KATNBL1: variants seen among roughly 807,000 people sequenced by gnomAD.
KATNBL1 encodes the protein katanin regulatory subunit B1 like 1.
A neutral mutation model predicts 44.7 loss-of-function variants in KATNBL1; 28 were observed. The observed-to-expected ratio is 0.63, with a 90% CI of 0.46 to 0.86. The LOEUF (loss-of-function observed/expected upper bound fraction) is 0.86. Ranked by LOEUF, KATNBL1 falls within the 40% of genes least tolerant of loss-of-function variation. The pLI, the probability that KATNBL1 is intolerant of heterozygous loss-of-function variation, is 0.00. For synonymous variants in KATNBL1, 78 were observed against 114.9 expected (o/e 0.68, Z 2.06); for missense variants, 272 against 350.7 (o/e 0.78, Z 1.79).
intron 1 of KATNBL1, among the ~76,000 whole-genome samples, chr15:34,193,227 AAAAAAAAAC>A (rs1463811856): frequency 3.9e-4 from 53 of 136,690 alleles, no homozygotes; most frequent in East Asian, 1.8e-3. Flanking sequence ...AAAAAAAAAA[AAAAAAAAAC>A]AAAAAAAAAA....
chr15:34,183,633 T>C (rs1435253657), intron 1 of KATNBL1, among the ~76,000 whole-genome samples: 1 of 152,194 alleles, frequency 6.6e-6, no homozygotes, highest in Non-Finnish European at 1.5e-5. Context: ...CGATTATTTT[T>C]TAATAGAGGA....
At chr15:34,145,592 G>C (rs950535507) in intron 8 of KATNBL1, 101 bp from the exon 9 acceptor site, 1 of 1,043,376 alleles carries the variant, frequency 9.6e-7, no homozygotes, top group African/African-American at 1.7e-5. Context: ...AATTTTTCAG[G>C]TATTTTTCAG....
intron 1 of KATNBL1, among the ~76,000 whole-genome samples, chr15:34,181,709 TATGG>T (rs1889549866): frequency 3.2e-5 from 1 of 31,670 alleles, no homozygotes; most frequent in Non-Finnish European, 7.0e-5. Flanking sequence ...TATCCATATA[TATGG>T]ACATATATAT....
intron 1 of KATNBL1, among the ~76,000 whole-genome samples, chr15:34,174,830 T>C (rs1889276171): frequency 6.6e-6 from 1 of 152,012 alleles, no homozygotes; most frequent in Non-Finnish European, 1.5e-5. Context: ...TTAGTCGAGA[T>C]GGGGTTTCGC....
At chr15:34,196,807 G>A (rs942233748) in intron 1 of KATNBL1, among the ~76,000 whole-genome samples, 8 of 152,134 alleles carry the variant, frequency 5.3e-5, no homozygotes, top group Admixed American at 3.9e-4. Context: ...GCTTAAAGTG[G>A]CTCAAGAACT....
At position 34,161,072 on chromosome 15, in the gene KATNBL1, G is replaced by A. The variant is rs540477730; in HGVS notation, c.117+2488C>T. ...CTCCTTTACAGGAGGGCTGCCCTAA[G>A]CTGTATGAGGTGACTACGAAACCAC... On this transcript the variant is annotated intron_variant, in intron 2 of 9. Transcript: ENST00000256544. Among the ~76,000 whole-genome samples, 4 of 152,272 alleles carry A rather than the reference G, an allele frequency of 2.6e-5. No homozygotes were observed. The South Asian group carries it at 8.3e-4, about 32-fold the overall frequency.
chr15:34,159,147 T>TTTC lies in KATNBL1; in HGVS notation c.117+4412_117+4413insGAA, dbSNP rs1555527297. 5.9e-5 allele frequency among the ~76,000 whole-genome samples: 9 copies of TTTC among 152,202 alleles called. No individual in the cohort carries two copies. In the East Asian group the frequency reaches 1.2e-3, roughly 20 times the overall value. On this transcript the variant is annotated intron_variant, in intron 2 of 9. Transcript: ENST00000256544. ...CAATGAAGTTCCTTCTAAAAGTTAA[T>TTTC]TTTTTCTTTTTTTTCTGTTAATAGG...
intron 1 of KATNBL1, among the ~76,000 whole-genome samples, chr15:34,204,839 A>T (rs1890252142): frequency 6.6e-6 from 1 of 152,228 alleles, no homozygotes; most frequent in South Asian, 2.1e-4. Flanking sequence ...TAAAATGCAG[A>T]AGTCCCTGAA....
At chr15:34,209,546 A>C (rs903213583) in intron 1 of KATNBL1, 2 of 152,208 alleles carry the variant, frequency 1.3e-5, no homozygotes, top group Admixed American at 6.5e-5. Context: ...CCGTCGGAAA[A>C]TAAGGAAATG....
intron 1 of KATNBL1, 151 bp downstream of exon 1, chr15:34,209,800 G>A (rs1332708950): frequency 2.0e-5 from 3 of 150,770 alleles, no homozygotes; most frequent in Non-Finnish European, 3.0e-5. Context: ...CCCGCCCCGG[G>A]ACCCGGCAGC....
At chr15:34,144,488 A>G (rs1888250643) in intron 9 of KATNBL1, among the ~76,000 whole-genome samples, 1 of 151,340 alleles carries the variant, frequency 6.6e-6, no homozygotes, top group African/African-American at 2.4e-5. Flanking sequence ...CCCATTTATG[A>G]TAGCAGTATG....
intron 1 of KATNBL1, among the ~76,000 whole-genome samples, chr15:34,189,754 A>G (rs922270618): frequency 3.2e-4 from 49 of 152,226 alleles, no homozygotes; most frequent in African/African-American, 1.1e-3. Context: ...GTAAACAAAA[A>G]TATTTTATTA....
At position 34,181,870 on chromosome 15, in the gene KATNBL1, C is replaced by CATATATATATATAT. The variant is rs374057022; in HGVS notation, c.-14-18194_-14-18181dup. On this transcript the variant is annotated intron_variant, in intron 1 of 9. Transcript: ENST00000256544. ...TATATATAGTCCATATATATATATC[C>CATATATATATATAT]ATATATATATATATATATGGATGGG... 1.8e-4 allele frequency among the ~76,000 whole-genome samples: 13 copies of CATATATATATATAT among 73,098 alleles called. No individual in the cohort carries two copies. The South Asian group carries it at 2.0e-3, about 11-fold the overall frequency. 48.0% of individuals were successfully genotyped at this position (73,098 alleles called of 152,430 possible). A position where few individuals can be genotyped will look rare whatever the true frequency, so the allele number is the denominator to read the frequency against.
intron 1 of KATNBL1, among the ~76,000 whole-genome samples, chr15:34,169,971 C>T (rs567233811): frequency 1.3e-5 from 2 of 152,308 alleles, no homozygotes; most frequent in Non-Finnish European, 2.9e-5. Flanking sequence ...GACAATCCCA[C>T]AGCCAATCTC....
At chr15:34,167,784 C>T (rs980718791) in intron 1 of KATNBL1, among the ~76,000 whole-genome samples, 7 of 152,140 alleles carry the variant, frequency 4.6e-5, no homozygotes, top group African/African-American at 1.7e-4. Flanking sequence ...GGCCAATATT[C>T]AACATTCTGA....
intron 1 of KATNBL1, among the ~76,000 whole-genome samples, chr15:34,200,739 T>C (rs1280616459): frequency 6.6e-6 from 1 of 152,220 alleles, no homozygotes; most frequent in African/African-American, 2.4e-5. Flanking sequence ...ATGACTGAGA[T>C]ACCCTGAAAT....
chr15:34,204,351 G>C (rs1890241128), intron 1 of KATNBL1, among the ~76,000 whole-genome samples: 1 of 152,184 alleles, frequency 6.6e-6, no homozygotes. Context: ...AATGTAAACT[G>C]ATGTCACTAG....
At chr15:34,173,604 T>C (rs1175807812) in intron 1 of KATNBL1, among the ~76,000 whole-genome samples, 5 of 152,120 alleles carry the variant, frequency 3.3e-5, no homozygotes, top group African/African-American at 1.2e-4. Flanking sequence ...ATGGAAGGTA[T>C]TTCCCAGGAT....
rs369351696 is a variant in KATNBL1, at chr15:34,155,916, T to C, written c.118-1232A>G. Among the ~76,000 whole-genome samples the C allele has an allele frequency of 1.1e-4, 16 of 152,360 alleles. No homozygotes were observed. In the East Asian group the frequency reaches 2.5e-3, roughly 24 times the overall value. The stretch of plus-strand genomic sequence containing the variant: ...TTGGTACTCCTCGTGGGACTCTAAT[T>C]GCATCTAAATAAATGTGGGAGTCGA... On this transcript the variant is annotated intron_variant, in intron 2 of 9. Coordinates refer to ENST00000256544, the MANE Select transcript of KATNBL1 (RefSeq NM_024713.3).
Sources: gnomAD v4.1 joint callset for allele counts (sites outside exome capture counted in the v4.1 genomes callset) on GRCh38, gnomAD v4.1.1 for gene constraint, MANE v1.5 for transcripts, NCBI Gene and HGNC (gene_info 2026-07-23, HGNC 2026-07-21) for gene names.